SH3GL3: variants seen among roughly 807,000 people sequenced by gnomAD.
SH3GL3 encodes endophilin-A3.
In SH3GL3, 33 loss-of-function variants were observed where a neutral mutation model predicts 47.7. The ratio of observed to expected loss-of-function variants is 0.69; its 90% confidence interval spans 0.52 to 0.92. The LOEUF is 0.92. Among genes scored for constraint, SH3GL3 ranks in the 40% least tolerant of loss-of-function variants. The probability of loss-of-function intolerance (pLI) is 0.00; values close to 1 mark genes in which losing one functional copy is unlikely to be tolerated. For missense variants in SH3GL3, 363 were observed against 417.8 expected (o/e 0.87, Z 1.14); for synonymous variants, 155 against 148.8 (o/e 1.04, Z -0.30).
chr15:83,577,463 C>G lies in SH3GL3; in HGVS notation c.624+722C>G, dbSNP rs180764189. ...TTGCCCAGGCTGGAGTGCAGTGGCA[C>G]GATTGTGACTCACTGCAGCCTCGAC... is the stretch of plus-strand genomic sequence containing the variant. On this transcript the variant is annotated intron_variant, in intron 6 of 8. Coordinates refer to ENST00000427482, the MANE Select transcript of SH3GL3 (RefSeq NM_003027.5). Among the ~76,000 whole-genome samples the G allele has an allele frequency of 2.9e-3, 440 of 152,222 alleles. 3 individuals carry two copies. Among genetic ancestry groups the G allele is most frequent in the African/African-American group, 0.01 (424 of 41,546 alleles).
At chr15:83,508,035 G>A (rs1183362594) in intron 1 of SH3GL3, among the ~76,000 whole-genome samples, 1 of 151,800 alleles carries the variant, frequency 6.6e-6, no homozygotes, top group Admixed American at 6.6e-5. Context: ...TCCACCTCCC[G>A]GGTTCAAGGG....
intron 1 of SH3GL3, among the ~76,000 whole-genome samples, chr15:83,492,007 A>G (rs1057123922): frequency 6.6e-6 from 1 of 152,158 alleles, no homozygotes; most frequent in South Asian, 2.1e-4. Context: ...AGTACAGGCC[A>G]GGCTTGGTGG....
At chr15:83,556,794 G>A (rs184051983) in intron 1 of SH3GL3, among the ~76,000 whole-genome samples, 1 of 152,202 alleles carries the variant, frequency 6.6e-6, no homozygotes, top group Non-Finnish European at 1.5e-5. Context: ...GGAGCACTGG[G>A]TGGGTGGATG....
chr15:83,627,444 T>G, the SH3GL3 span, among the ~76,000 whole-genome samples: 1 of 151,068 alleles, frequency 6.6e-6, no homozygotes, highest in African/African-American at 2.4e-5. Flanking sequence ...ACTTAACTAG[T>G]AAAAAGGCTG....
intron 1 of SH3GL3, among the ~76,000 whole-genome samples, chr15:83,545,998 G>A (rs1490523659): frequency 6.6e-6 from 1 of 152,112 alleles, no homozygotes; most frequent in South Asian, 2.1e-4. Flanking sequence ...AACAGTACTG[G>A]GTCTTGCCCA....
chr15:83,616,397 G>T, intron 8 of SH3GL3, among the ~76,000 whole-genome samples: 1 of 151,962 alleles, frequency 6.6e-6, no homozygotes, highest in Non-Finnish European at 1.5e-5. Flanking sequence ...GGGACTACAG[G>T]TGCCCGCCAC....
At position 83,448,463 on chromosome 15, in the gene SH3GL3, T is replaced by G. The variant is rs1272687335; in HGVS notation, c.45+885T>G. On this transcript the variant is annotated intron_variant, in intron 1 of 8. Transcript: ENST00000427482. The surrounding 1 kb of genome is among the most constrained non-coding windows in gnomAD (Gnocchi z 4.2). ...ATTGATGTGTGTGTGTGTGTGTGTG[T>G]GTGTGTGTGTGTGTGTGTTGATGAC... Among the ~76,000 whole-genome samples the G allele has an allele frequency of 6.6e-6, 1 of 151,648 alleles. No homozygotes were observed. Among genetic ancestry groups the G allele is most frequent in the Non-Finnish European group, 1.5e-5 (1 of 67,890 alleles).
intron 1 of SH3GL3, among the ~76,000 whole-genome samples, chr15:83,530,522 A>G (rs962270122): frequency 2.0e-5 from 3 of 151,316 alleles, no homozygotes; most frequent in East Asian, 1.9e-4. Context: ...GTGATTATCT[A>G]TTTCCTATTT....
At chr15:83,509,022 T>G (rs1005621805) in intron 1 of SH3GL3, among the ~76,000 whole-genome samples, 2 of 152,210 alleles carry the variant, frequency 1.3e-5, no homozygotes, top group African/African-American at 4.8e-5. Context: ...CATTGAGCAA[T>G]TGGTAAGGCT....
At chr15:83,569,930 G>A (rs1260442772) in intron 4 of SH3GL3, among the ~76,000 whole-genome samples, 1 of 152,124 alleles carries the variant, frequency 6.6e-6, no homozygotes, top group African/African-American at 2.4e-5. Context: ...GTATGTTGAT[G>A]AAGCTTTGTC....
chr15:83,512,125 A>G (rs940772938), intron 1 of SH3GL3, among the ~76,000 whole-genome samples: 2 of 152,066 alleles, frequency 1.3e-5, no homozygotes, highest in African/African-American at 2.4e-5. Flanking sequence ...GCCACCTGCT[A>G]TTTAAGGAGA....
At chr15:83,528,179 G>A (rs758492623) in intron 1 of SH3GL3, among the ~76,000 whole-genome samples, 4 of 152,036 alleles carry the variant, frequency 2.6e-5, no homozygotes, top group Middle Eastern at 3.2e-3. Context: ...TAGTCTGATG[G>A]GGGGCAGTTC....
At chr15:83,624,443 G>A in the SH3GL3 span, among the ~76,000 whole-genome samples, 1 of 152,164 alleles carries the variant, frequency 6.6e-6, no homozygotes, top group African/African-American at 2.4e-5. Flanking sequence ...CAGGAAGCGG[G>A]GATGAAAACC....
At chr15:83,473,354 A>G (rs1209312519) in intron 1 of SH3GL3, among the ~76,000 whole-genome samples, 1 of 151,804 alleles carries the variant, frequency 6.6e-6, no homozygotes, top group Non-Finnish European at 1.5e-5. Context: ...GTAGAAGTCT[A>G]GGCCCCCATT....
intron 1 of SH3GL3, among the ~76,000 whole-genome samples, chr15:83,528,901 A>G (rs1466913490): frequency 3.3e-5 from 5 of 152,008 alleles, no homozygotes; most frequent in Admixed American, 3.3e-4. Flanking sequence ...TTTTATGTTG[A>G]TATCTGCACA....
chr15:83,627,221 C>T, the SH3GL3 span, among the ~76,000 whole-genome samples: 1 of 151,936 alleles, frequency 6.6e-6, no homozygotes, highest in Non-Finnish European at 1.5e-5. Flanking sequence ...CACGGTGAAA[C>T]CCCATCTCTA....
intron 6 of SH3GL3, among the ~76,000 whole-genome samples, chr15:83,578,088 T>C (rs1316361702): frequency 6.6e-6 from 1 of 152,192 alleles, no homozygotes; most frequent in Non-Finnish European, 1.5e-5. Flanking sequence ...CAATCTTCTA[T>C]TGTACTGTGG....
intron 6 of SH3GL3, among the ~76,000 whole-genome samples, chr15:83,579,587 G>T (rs1183514907): frequency 6.6e-6 from 1 of 152,164 alleles, no homozygotes; most frequent in African/African-American, 2.4e-5. Context: ...TAATGGTGGT[G>T]ATCGTGATAA....
chr15:83,632,002 A>G, the SH3GL3 span, among the ~76,000 whole-genome samples: 7 of 152,102 alleles, frequency 4.6e-5, no homozygotes, highest in African/African-American at 1.4e-4. Context: ...AATTTCTTCC[A>G]CTAGATACAC....
Sources: gnomAD v4.1 joint callset for allele counts (sites outside exome capture counted in the v4.1 genomes callset) on GRCh38, gnomAD v4.1.1 for gene constraint, Gnocchi (gnomAD v3.1) non-coding constraint, MANE v1.5 for transcripts, NCBI Gene and HGNC (gene_info 2026-07-23, HGNC 2026-07-21) for gene names.